Variants in TENM3 observed in about 807,000 individuals in gnomAD.
The protein encoded by TENM3 is teneurin transmembrane protein 3.
In TENM3, 63 loss-of-function variants were observed where a neutral mutation model predicts 255.1. That is an observed-to-expected ratio of 0.25 (90% CI 0.20 to 0.30). TENM3 has a LOEUF of 0.30. TENM3 is among the 10% of genes least tolerant of loss of function. The pLI, the probability that TENM3 is intolerant of heterozygous loss-of-function variation, is 1.00. For missense variants in TENM3, 2,929 were observed against 3,461.1 expected, an observed-to-expected ratio of 0.85 and a Z score of 3.86; for synonymous variants, 1,306 against 1,322.3, an observed-to-expected ratio of 0.99 and a Z score of 0.27.
intron 1 of TENM3, among the ~76,000 whole-genome samples, chr4:182,247,114 C>G (rs1480566002): frequency 1.3e-5 from 2 of 152,058 alleles, no homozygotes; most frequent in East Asian, 3.9e-4. Context: ...ATGAGTCGAG[C>G]TAGAATCTAA....
intron 1 of TENM3, among the ~76,000 whole-genome samples, chr4:182,181,462 G>C (rs2149741043): frequency 6.6e-6 from 1 of 152,288 alleles, no homozygotes; most frequent in African/African-American, 2.4e-5. Flanking sequence ...TATTAGTGAG[G>C]AGATCAAAAC....
chr4:182,751,651 T>C (rs577216570), intron 19 of TENM3, 149 bp from the exon 20 acceptor site: 2 of 602,382 alleles, frequency 3.3e-6, no homozygotes, highest in East Asian at 5.6e-5. Context: ...TGAGTCATTA[T>C]TAAATAGACA....
the TENM3 span, among the ~76,000 whole-genome samples, chr4:181,449,570 G>C: frequency 7.1e-3 from 1,087 of 152,246 alleles, 55 homozygotes; most frequent in East Asian, 0.15. Flanking sequence ...GGTCACCTGA[G>C]GTCAGGAGTT....
chr4:181,563,829 C>T, the TENM3 span, among the ~76,000 whole-genome samples: 1 of 152,130 alleles, frequency 6.6e-6, no homozygotes, highest in Non-Finnish European at 1.5e-5. Flanking sequence ...ATACTGTAAC[C>T]ATACAATAGC....
the TENM3 span, among the ~76,000 whole-genome samples, chr4:181,736,826 G>C: frequency 6.6e-6 from 1 of 152,006 alleles, no homozygotes; most frequent in Non-Finnish European, 1.5e-5. Context: ...ATGTTGACAG[G>C]AACTAGTGGA....
chr4:182,494,501 G>T (rs1158942252), intron 3 of TENM3, among the ~76,000 whole-genome samples: 2 of 152,164 alleles, frequency 1.3e-5, no homozygotes, highest in South Asian at 4.1e-4. Context: ...GACAAAGCAA[G>T]TATATATAGC....
At chr4:182,669,115 T>C (rs1046911399) in intron 6 of TENM3, among the ~76,000 whole-genome samples, 1 of 152,206 alleles carries the variant, frequency 6.6e-6, no homozygotes, top group African/African-American at 2.4e-5. Context: ...AAATATGATA[T>C]GTATACTGAC....
At chr4:182,033,243 T>G in the TENM3 span, among the ~76,000 whole-genome samples, 2 of 151,218 alleles carry the variant, frequency 1.3e-5, no homozygotes, top group African/African-American at 4.8e-5. Context: ...GTATGTTGTC[T>G]CTTTGTTTTC....
At chr4:181,467,992 T>G in the TENM3 span, among the ~76,000 whole-genome samples, 1 of 151,894 alleles carries the variant, frequency 6.6e-6, no homozygotes, top group East Asian at 1.9e-4. Context: ...CAGTACTAGG[T>G]AAAATTAAAA....
chr4:181,605,048 A>G, the TENM3 span, among the ~76,000 whole-genome samples: 1 of 152,192 alleles, frequency 6.6e-6, no homozygotes, highest in Non-Finnish European at 1.5e-5. Flanking sequence ...CCACCATGTG[A>G]TTTAGAGTCA....
At chr4:182,178,379 C>T (rs1256795023) in intron 1 of TENM3, among the ~76,000 whole-genome samples, 1 of 152,150 alleles carries the variant, frequency 6.6e-6, no homozygotes, top group Non-Finnish European at 1.5e-5. Context: ...AGTGAAAGAT[C>T]ATTACCTTCA....
At chr4:181,450,942 C>T in the TENM3 span, among the ~76,000 whole-genome samples, 1 of 152,182 alleles carries the variant, frequency 6.6e-6, no homozygotes, top group South Asian at 2.1e-4. Context: ...GCAGCATTCT[C>T]TCAGGTTACA....
At chr4:182,514,716 C>G (rs1737760823) in intron 3 of TENM3, among the ~76,000 whole-genome samples, 2 of 152,012 alleles carry the variant, frequency 1.3e-5, no homozygotes, top group African/African-American at 4.8e-5. Flanking sequence ...AAGGGCACAA[C>G]TCACTCTTTG....
the TENM3 span, among the ~76,000 whole-genome samples, chr4:181,797,789 G>A: frequency 2.6e-5 from 4 of 152,144 alleles, no homozygotes; most frequent in Admixed American, 1.3e-4. Flanking sequence ...TTCTAATGTG[G>A]GGGCTTCTGC....
In TENM3 at chr4:182,479,881, T is replaced by C. The variant is rs1053373198; in HGVS notation, c.512-121043T>C. ...AAGAACCTTTTTTATGATATTGATA[T>C]TCTGTAAAAACAAATAAACGGATGG... is the stretch of plus-strand genomic sequence containing the variant. On this transcript the variant is annotated intron_variant, in intron 3 of 27. Coordinates refer to ENST00000511685, the MANE Select transcript of TENM3 (RefSeq NM_001080477.4). 2.0e-5 allele frequency among the ~76,000 whole-genome samples: 3 copies of C among 152,022 alleles called. No homozygotes were observed. In the South Asian group the frequency reaches 6.2e-4, roughly 31 times the overall value.
At chr4:181,756,509 A>G in the TENM3 span, among the ~76,000 whole-genome samples, 1 of 152,236 alleles carries the variant, frequency 6.6e-6, no homozygotes. Flanking sequence ...GTGCTCCAAG[A>G]TGGCCTGTGC....
intron 3 of TENM3, among the ~76,000 whole-genome samples, chr4:182,438,287 G>A (rs1772197819): frequency 6.6e-6 from 1 of 152,118 alleles, no homozygotes; most frequent in African/African-American, 2.4e-5. Flanking sequence ...TTTGCAGTGA[G>A]TTCATTTTTA....
chr4:181,949,679 T>A, the TENM3 span, among the ~76,000 whole-genome samples: 1 of 152,164 alleles, frequency 6.6e-6, no homozygotes, highest in Admixed American at 6.5e-5. Flanking sequence ...ACGTATCCCC[T>A]TCAATGGCTG....
intron 4 of TENM3, among the ~76,000 whole-genome samples, chr4:182,620,994 A>G (rs937517807): frequency 2.6e-5 from 4 of 152,182 alleles, no homozygotes; most frequent in African/African-American, 9.6e-5. Context: ...ATCCTGGCTA[A>G]CAAAGTGAAA....
Sources: allele counts gnomAD v4.1 joint callset (sites outside exome capture counted in the v4.1 genomes callset), GRCh38; gene constraint gnomAD v4.1.1; transcripts MANE v1.5; gene names NCBI Gene and HGNC (gene_info 2026-07-23, HGNC 2026-07-21).